The following ANP32B variants were observed in gnomAD, a reference collection of about 807,000 sequenced individuals.
ANP32B encodes acidic leucine-rich nuclear phosphoprotein 32 family member B.
A neutral mutation model predicts 32.2 loss-of-function variants in ANP32B; 6 were observed. The ratio of observed to expected loss-of-function variants is 0.19; its 90% CI spans 0.10 to 0.37. ANP32B has a LOEUF of 0.37. Among genes scored for constraint, ANP32B ranks in the 10% least tolerant of loss-of-function variants. The probability of loss-of-function intolerance (pLI) is 1.00; values close to 1 mark genes in which losing one functional copy is unlikely to be tolerated. For missense variants in ANP32B, 204 were observed against 289.2 expected, an observed-to-expected ratio of 0.71 and a Z score of 2.14; for synonymous variants, 98 against 105.8, an observed-to-expected ratio of 0.93 and a Z score of 0.45.
At chr9:97,990,140 A>G (rs992380678) in intron 1 of ANP32B, among the ~76,000 whole-genome samples, 1 of 152,180 alleles carries the variant, frequency 6.6e-6, no homozygotes, top group African/African-American at 2.4e-5. Context: ...TGTTCTTCCC[A>G]AAAGGTTTTT....
At chr9:98,002,705 A>G (rs1828013567) in intron 3 of ANP32B, among the ~76,000 whole-genome samples, 1 of 152,204 alleles carries the variant, frequency 6.6e-6, no homozygotes, top group Admixed American at 6.5e-5. Context: ...GAAGTAGCCA[A>G]AAATCTCACA....
At chr9:97,994,008 T>C (rs889959345) in intron 1 of ANP32B, among the ~76,000 whole-genome samples, 2 of 152,240 alleles carry the variant, frequency 1.3e-5, no homozygotes, top group Non-Finnish European at 2.9e-5. Flanking sequence ...TAATTTATTA[T>C]GTAGCAGTTC....
At chr9:97,998,052 C>T (rs1319318043) in intron 2 of ANP32B, among the ~76,000 whole-genome samples, 1 of 152,200 alleles carries the variant, frequency 6.6e-6, no homozygotes, top group Non-Finnish European at 1.5e-5. Flanking sequence ...TTGTAGGGCC[C>T]GTTCCTCTCT....
At chr9:98,006,227 A>G (rs765899491) in intron 4 of ANP32B, among the ~76,000 whole-genome samples, 22 of 152,244 alleles carry the variant, frequency 1.4e-4, no homozygotes, top group Admixed American at 4.6e-4. Flanking sequence ...AGACTCATCA[A>G]CCCCTATCTG....
intron 1 of ANP32B, among the ~76,000 whole-genome samples, chr9:97,990,405 A>C (rs1369576340): frequency 1.3e-5 from 2 of 152,242 alleles, no homozygotes; most frequent in African/African-American, 4.8e-5. Flanking sequence ...CCTTGGGTAC[A>C]GCCCTAAGTG....
In ANP32B at chr9:98,008,208, C is replaced by T. The variant is rs147434713; in HGVS notation, c.517+3055C>T. Reference sequence around the variant, plus strand: ...ATACTCATCATTCAGCCCCCACTTACAAGTGAGAACATACGATACTTAGTT... The same window carrying T: ...ATACTCATCATTCAGCCCCCACTTATAAGTGAGAACATACGATACTTAGTT... On this transcript the variant is annotated intron_variant, in intron 4 of 6. Coordinates refer to ENST00000339399, the MANE Select transcript of ANP32B (RefSeq NM_006401.3). 3.6e-3 allele frequency among the ~76,000 whole-genome samples: 544 copies of T among 152,236 alleles called. 4 individuals carry two copies. The highest frequency in any genetic ancestry group is 0.012 in the African/African-American group (516 of 41,534).
At chr9:98,014,087 T>C (rs1009338809) in intron 6 of ANP32B, among the ~76,000 whole-genome samples, 1 of 152,192 alleles carries the variant, frequency 6.6e-6, no homozygotes, top group African/African-American at 2.4e-5. Context: ...GCATCCACTT[T>C]GTCAAGCTCT....
chr9:98,001,339 C>G (rs765650944), intron 3 of ANP32B, among the ~76,000 whole-genome samples: 36 of 151,988 alleles, frequency 2.4e-4, no homozygotes, highest in Non-Finnish European at 3.5e-4. Flanking sequence ...CTACAGGCAC[C>G]TGCCACCATG....
At chr9:98,006,439 A>G (rs1435150076) in intron 4 of ANP32B, among the ~76,000 whole-genome samples, 1 of 136,856 alleles carries the variant, frequency 7.3e-6, no homozygotes, top group Non-Finnish European at 1.5e-5. Flanking sequence ...TGTCTCAGTC[A>G]CAGTTTTGTT....
intron 1 of ANP32B, among the ~76,000 whole-genome samples, chr9:97,994,205 A>T (rs1476548804): frequency 6.6e-6 from 1 of 152,226 alleles, no homozygotes; most frequent in African/African-American, 2.4e-5. Flanking sequence ...GATAGGAAAC[A>T]TAAAGCTTTC....
intron 3 of ANP32B, among the ~76,000 whole-genome samples, chr9:98,000,156 ATTC>A (rs1273498813): frequency 6.6e-6 from 1 of 152,168 alleles, no homozygotes. Flanking sequence ...GTGTATATGT[ATTC>A]TTTTAGAGAG....
Position 97,993,947 on chromosome 9 carries a change from T to C in ANP32B, c.55-684T>C, listed in dbSNP as rs190613647. ...TGCGCCCGGCCAGATGTGATACTCT[T>C]GGATGGACTTAAATTCTGAAAAAGA... On this transcript the variant is annotated intron_variant, in intron 1 of 6. Transcript: ENST00000339399. Among the ~76,000 whole-genome samples the C allele has an allele frequency of 4.0e-3, 608 of 152,322 alleles. 3 individuals are homozygous for C. The highest frequency in any genetic ancestry group is 0.013 in the African/African-American group (558 of 41,554).
At chr9:97,992,517 A>G (rs184389680) in intron 1 of ANP32B, among the ~76,000 whole-genome samples, 1 of 152,326 alleles carries the variant, frequency 6.6e-6, no homozygotes. Flanking sequence ...CTGTGAGCTG[A>G]GAGGCAGTGT....
chr9:98,001,168 A>AC (rs751727916), intron 3 of ANP32B, among the ~76,000 whole-genome samples: 2,240 of 120,370 alleles, frequency 0.019, 21 homozygotes, highest in Middle Eastern at 0.032. Context: ...TCTCCCCGCC[A>AC]CCCCCCTTTT....
intron 3 of ANP32B, among the ~76,000 whole-genome samples, chr9:98,002,017 C>A (rs139864870): frequency 6.6e-6 from 1 of 152,140 alleles, no homozygotes; most frequent in Non-Finnish European, 1.5e-5. Flanking sequence ...CCTGGGGTCC[C>A]GCCATTCTGC....
intron 2 of ANP32B, among the ~76,000 whole-genome samples, chr9:97,996,516 A>G (rs1435191519): frequency 6.6e-6 from 1 of 152,200 alleles, no homozygotes; most frequent in East Asian, 1.9e-4. Flanking sequence ...AGAGGGAATC[A>G]TACTTAAAGG....
At chr9:98,015,218 G>T (rs1828254110) in intron 6 of ANP32B, 146 bp from the exon 7 acceptor site, 4 of 1,171,004 alleles carry the variant, frequency 3.4e-6, no homozygotes, top group South Asian at 1.9e-5. Flanking sequence ...ACTTATACTT[G>T]CTATTAGTCA....
intron 4 of ANP32B, 200 bp downstream of exon 4, chr9:98,005,353 G>GA (rs554062093): frequency 0.037 from 10,855 of 296,678 alleles, 1 homozygote; most frequent in South Asian, 0.06. Flanking sequence ...ACAGAAAATA[G>GA]AAAAAAAAAA....
chr9:97,996,940 T>A (rs1434648467), intron 2 of ANP32B, among the ~76,000 whole-genome samples: 3 of 152,178 alleles, frequency 2.0e-5, no homozygotes, highest in African/African-American at 7.2e-5. Context: ...TGAAAAAAAA[T>A]TGATGTGTAA....
Sources: allele counts gnomAD v4.1 joint callset (sites outside exome capture counted in the v4.1 genomes callset), GRCh38; gene constraint gnomAD v4.1.1; transcripts MANE v1.5; gene names NCBI Gene and HGNC (gene_info 2026-07-23, HGNC 2026-07-21).